The following PUS7 variants were observed in gnomAD, a reference collection of about 807,000 sequenced individuals.
PUS7 encodes the protein pseudouridylate synthase 7 homolog.
In PUS7, 48 loss-of-function variants were observed where a neutral mutation model predicts 79.8. The observed-to-expected ratio is 0.60, with a 90% CI of 0.48 to 0.76. The LOEUF is 0.76. Among genes scored for constraint, PUS7 ranks in the 30% least tolerant of loss-of-function variants. The pLI is 0.00. For synonymous variants in PUS7, 286 were observed against 272.2 expected, an observed-to-expected ratio of 1.05 and a Z score of -0.50; for missense variants, 729 against 797.6, an observed-to-expected ratio of 0.91 and a Z score of 1.04.
At chr7:105,503,377 T>A (rs920215969) in intron 4 of PUS7, among the ~76,000 whole-genome samples, 1 of 152,184 alleles carries the variant, frequency 6.6e-6, no homozygotes. Flanking sequence ...TCTTATTGAA[T>A]TATATTCTGA....
intron 7 of PUS7, among the ~76,000 whole-genome samples, chr7:105,488,234 A>G (rs1175816348): frequency 6.6e-6 from 1 of 152,238 alleles, no homozygotes; most frequent in African/African-American, 2.4e-5. Flanking sequence ...CTAAGACTTC[A>G]CATCAGAAAA....
intron 1 of PUS7, among the ~76,000 whole-genome samples, chr7:105,511,726 G>A (rs3892297): frequency 0.14 from 20,820 of 151,810 alleles, 1,828 homozygotes; most frequent in South Asian, 0.26. Context: ...ACGCCACTGC[G>A]CTCCAGCCTA....
chr7:105,519,325 C>T (rs1826015488), intron 1 of PUS7, among the ~76,000 whole-genome samples: 1 of 152,014 alleles, frequency 6.6e-6, no homozygotes, highest in Non-Finnish European at 1.5e-5. Context: ...TCTCCACTTC[C>T]AGCGTTCCGG....
chr7:105,486,023 T>C (rs1200838674), intron 7 of PUS7, among the ~76,000 whole-genome samples: 2 of 150,042 alleles, frequency 1.3e-5, no homozygotes, highest in Non-Finnish European at 3.0e-5. Flanking sequence ...AGGTGCTATA[T>C]TTATTTTTCT....
chr7:105,495,077 C>CTA, intron 6 of PUS7, 65 bp downstream of exon 6: 1 of 868,448 alleles, frequency 1.2e-6, no homozygotes, highest in Non-Finnish European at 1.8e-6. Flanking sequence ...TTTCCATTAG[C>CTA]ATGGAAAAAG....
intron 14 of PUS7, among the ~76,000 whole-genome samples, chr7:105,460,165 C>T (rs1823361236): frequency 6.6e-6 from 1 of 152,088 alleles, no homozygotes. Context: ...GTCTCGATCT[C>T]CTGAGCTCGT....
Position 105,495,262 on chromosome 7 carries a change from CA to C in PUS7, c.731-10del. On this transcript the variant is annotated splice_polypyrimidine_tract_variant and intron_variant, in intron 5 of 15. Coordinates refer to ENST00000469408, the MANE Select transcript of PUS7 (RefSeq NM_019042.5). ...AGAATGTTTTCTTGGATCTTGAAAG[CA>C]AAAGAATTAACATTATATATACCAT... The C allele has an allele frequency of 6.8e-7, 1 of 1,465,960 alleles. No individual in the cohort carries two copies. Among genetic ancestry groups the C allele is most frequent in the Non-Finnish European group, 9.5e-7 (1 of 1,048,554 alleles). 90.8% of individuals were successfully genotyped at this position (1,465,960 alleles called of 1,614,324 possible). A position where few individuals can be genotyped will look rare whatever the true frequency, so the allele number is the denominator to read the frequency against.
At chr7:105,496,216 T>TAGAGAGAGAG (rs1335946389) in intron 5 of PUS7, among the ~76,000 whole-genome samples, 7 of 76,716 alleles carry the variant, frequency 9.1e-5, no homozygotes, top group East Asian at 4.2e-4. Context: ...TATATATATA[T>TAGAGAGAGAG]ATATATATAT....
intron 13 of PUS7, 49 bp from the exon 14 acceptor site, chr7:105,462,799 T>G (rs751466248): frequency 2.6e-6 from 4 of 1,567,516 alleles, no homozygotes; most frequent in African/African-American, 2.7e-5. Flanking sequence ...GTCAGTCAAG[T>G]TATCCTGAAC....
At chr7:105,512,382 C>T (rs1454436875) in intron 1 of PUS7, among the ~76,000 whole-genome samples, 1 of 152,042 alleles carries the variant, frequency 6.6e-6, no homozygotes, top group African/African-American at 2.4e-5. Flanking sequence ...ACAAAACTAC[C>T]CTCAGAGGTT....
intron 1 of PUS7, among the ~76,000 whole-genome samples, chr7:105,519,943 A>C (rs1826039346): frequency 6.6e-6 from 1 of 152,190 alleles, no homozygotes; most frequent in Admixed American, 6.5e-5. Context: ...CGACAGTATG[A>C]CCAGCTGGAT....
intron 5 of PUS7, among the ~76,000 whole-genome samples, chr7:105,501,775 G>A (rs910265622): frequency 5.9e-5 from 9 of 151,898 alleles, no homozygotes; most frequent in African/African-American, 2.2e-4. Flanking sequence ...CTAACAAGGT[G>A]AAACCCCGTC....
intron 1 of PUS7, among the ~76,000 whole-genome samples, chr7:105,521,640 T>C (rs1204387410): frequency 6.6e-6 from 1 of 152,102 alleles, no homozygotes; most frequent in Non-Finnish European, 1.5e-5. Flanking sequence ...AGTGGCACCG[T>C]GAAGGGCTTC....
chr7:105,470,400 G>C, intron 11 of PUS7: 1 of 257,328 alleles, frequency 3.9e-6, no homozygotes, highest in Non-Finnish European at 7.4e-6. Context: ...CAATAGATTC[G>C]AAATTTCTCA....
At chr7:105,467,294 C>CT (rs34780377) in intron 12 of PUS7, among the ~76,000 whole-genome samples, 13 of 129,622 alleles carry the variant, frequency 1.0e-4, no homozygotes, top group African/African-American at 2.2e-4. Flanking sequence ...AGAAACTCTT[C>CT]TTTTTTTTTT....
At chr7:105,484,759 A>G (rs113463558) in intron 7 of PUS7, among the ~76,000 whole-genome samples, 3,323 of 150,302 alleles carry the variant, frequency 0.022, 126 homozygotes, top group African/African-American at 0.077. Flanking sequence ...CAGAGGTTGC[A>G]GTGAGCTGAG....
chr7:105,472,890 A>C (rs1161419357), intron 9 of PUS7, among the ~76,000 whole-genome samples: 2 of 147,438 alleles, frequency 1.4e-5, no homozygotes, highest in African/African-American at 5.1e-5. Context: ...AGTAGCTGGG[A>C]CTACAGGCAC....
intron 1 of PUS7, among the ~76,000 whole-genome samples, chr7:105,510,076 A>C (rs560916153): frequency 8.7e-4 from 133 of 152,320 alleles, no homozygotes; most frequent in African/African-American, 3.2e-3. Flanking sequence ...TGAGGCAGGC[A>C]GATCACCTGA....
chr7:105,461,292 G>A (rs892295157), intron 14 of PUS7, among the ~76,000 whole-genome samples: 1 of 152,140 alleles, frequency 6.6e-6, no homozygotes, highest in Non-Finnish European at 1.5e-5. Context: ...TAGGAAAAAA[G>A]TTCACTCTAC....
Sources: allele counts gnomAD v4.1 joint callset (sites outside exome capture counted in the v4.1 genomes callset), GRCh38; gene constraint gnomAD v4.1.1; transcripts MANE v1.5; gene names NCBI Gene and HGNC (gene_info 2026-07-23, HGNC 2026-07-21).